EP400: variants seen among roughly 807,000 people sequenced by gnomAD.
EP400 encodes E1A-binding protein p400.
A neutral mutation model predicts 354.1 loss-of-function variants in EP400; 105 were observed. The observed-to-expected ratio is 0.30, with a 90% CI of 0.25 to 0.35. EP400 has a LOEUF of 0.35. Among genes scored for constraint, EP400 ranks in the 10% least tolerant of loss-of-function variants. The pLI is 1.00. For synonymous variants in EP400, 1,646 were observed against 1,716.9 expected (o/e 0.96, Z 1.02); for missense variants, 3,280 against 4,121.0 (o/e 0.80, Z 5.59).
At chr12:131,979,354 G>A (rs774890537) in intron 2 of EP400, among the ~76,000 whole-genome samples, 1 of 152,180 alleles carries the variant, frequency 6.6e-6, no homozygotes, top group Non-Finnish European at 1.5e-5. Context: ...TGACTGATGA[G>A]TCGGCTGAGA....
At chr12:131,964,265 G>A (rs576605826) in intron 2 of EP400, among the ~76,000 whole-genome samples, 8 of 152,200 alleles carry the variant, frequency 5.3e-5, no homozygotes, top group African/African-American at 1.9e-4. Flanking sequence ...TCAGGAATTC[G>A]AGACCAGCCT....
rs1436460686 is a variant in EP400, at chr12:131,994,718, T to G, written c.2738-149T>G. 1.7e-6 allele frequency: 1 copy of G among 583,398 alleles called. No homozygotes were observed. The allele number at this position is 583,398 out of a possible 1,614,324, so 36.1% of individuals were successfully genotyped here. A position where few individuals can be genotyped will look rare whatever the true frequency, so the allele number is the denominator to read the frequency against. ...ATACACTTCCAGTTTCCTGCCCATT[T>G]AATTAAATTTAACCTGAGAAGTTTA... is the stretch of plus-strand genomic sequence containing the variant. On this transcript the variant is annotated intron_variant, in intron 11 of 52. Coordinates refer to ENST00000389561, the MANE Select transcript of EP400 (RefSeq NM_015409.5). The surrounding 1 kb of genome is among the most constrained non-coding windows in gnomAD (Gnocchi z 4.6).
intron 39 of EP400, among the ~76,000 whole-genome samples, chr12:132,047,385 G>A (rs927341716): frequency 1.3e-5 from 2 of 152,164 alleles, no homozygotes; most frequent in African/African-American, 2.4e-5. Flanking sequence ...AGTCACGTAG[G>A]TTCTTTTCTA....
At chr12:132,061,498 T>C (rs1486319281) in intron 45 of EP400, among the ~76,000 whole-genome samples, 2 of 152,158 alleles carry the variant, frequency 1.3e-5, no homozygotes, top group Non-Finnish European at 2.9e-5. Flanking sequence ...ACTGCAGAGG[T>C]GGCATGATTG....
At chr12:132,002,285 G>A (rs1893442494) in intron 12 of EP400, among the ~76,000 whole-genome samples, 2 of 152,050 alleles carry the variant, frequency 1.3e-5, no homozygotes, top group South Asian at 4.1e-4. Context: ...AATTTATCTT[G>A]TATTTTCTCA....
At chr12:131,960,509 CTT>C in intron 1 of EP400, 74 bp from the exon 2 acceptor site, 2 of 1,351,878 alleles carry the variant, frequency 1.5e-6, no homozygotes, top group Non-Finnish European at 2.0e-6. Context: ...TTCAAAGTGT[CTT>C]TTCAGTGCTG....
chr12:131,978,531 A>G (rs1892560121), intron 2 of EP400, among the ~76,000 whole-genome samples: 1 of 151,816 alleles, frequency 6.6e-6, no homozygotes, highest in South Asian at 2.1e-4. Context: ...TGTTTTTTTT[A>G]AAGATGGGGT....
intron 15 of EP400, among the ~76,000 whole-genome samples, chr12:132,008,578 C>T (rs560650415): frequency 6.6e-6 from 1 of 151,630 alleles, no homozygotes; most frequent in East Asian, 1.9e-4. Context: ...TGGAAGTAGC[C>T]TATACATTTT....
At position 132,018,200 on chromosome 12, in the gene EP400, T is replaced by G; in HGVS notation, c.4111-10T>G. The G allele has an allele frequency of 1.2e-6, 2 of 1,604,986 alleles. No individual in the cohort carries two copies. The highest frequency in any genetic ancestry group is 1.7e-6 in the Non-Finnish European group (2 of 1,177,930). On this transcript the variant is annotated splice_polypyrimidine_tract_variant and intron_variant, in intron 20 of 52. Transcript: ENST00000389561. This position sits in a 1 kb window ranked among gnomAD's most constrained non-coding sequence, Gnocchi z 4.0. ...TCATGCAGCAAGACTTTTTTTCTTT[T>G]TCTCTCTAGGAAGCAGATCTTTCTA...
Position 132,050,963 on chromosome 12 carries a change from C to G in EP400, c.7394+308C>G. ...GCCAACCACAAGGGGCTTTCTTCCT[C>G]ACACCCCACCTCTCAGGCACTGATT... is the stretch of plus-strand genomic sequence containing the variant. On this transcript the variant is annotated intron_variant, in intron 41 of 52. Transcript: ENST00000389561. This position sits in a 1 kb window ranked among gnomAD's most constrained non-coding sequence, Gnocchi z 4.8. 1 of 498,156 alleles carries G rather than the reference C, an allele frequency of 2.0e-6. No homozygotes were observed. The highest frequency in any genetic ancestry group is 3.6e-6 in the Non-Finnish European group (1 of 274,780). 30.9% of individuals were successfully genotyped at this position (498,156 alleles called of 1,614,324 possible). A position where few individuals can be genotyped will look rare whatever the true frequency, so the allele number is the denominator to read the frequency against.
chr12:132,049,590 A>G (rs1435871940), intron 39 of EP400, among the ~76,000 whole-genome samples: 1 of 151,846 alleles, frequency 6.6e-6, no homozygotes, highest in Non-Finnish European at 1.5e-5. Context: ...GCCTTGGCAC[A>G]CTCTCTTTGA....
At chr12:132,020,338 C>G in intron 22 of EP400, 120 bp downstream of exon 22, 1 of 1,200,778 alleles carries the variant, frequency 8.3e-7, no homozygotes, top group Non-Finnish European at 1.1e-6. Flanking sequence ...ACAGGCACCA[C>G]CCGCTGGCTT....
At chr12:131,956,384 TTAATG>T (rs954358761) in intron 1 of EP400, among the ~76,000 whole-genome samples, 3 of 152,244 alleles carry the variant, frequency 2.0e-5, no homozygotes, top group African/African-American at 4.8e-5. Flanking sequence ...CTTTTTTCAC[TTAATG>T]TATCTGGAAA....
intron 2 of EP400, among the ~76,000 whole-genome samples, chr12:131,966,562 CAAAAAA>C (rs534384776): frequency 0.15 from 8,571 of 57,534 alleles, 571 homozygotes; most frequent in African/African-American, 0.27. Context: ...TACCCTACCT[CAAAAAA>C]AAAAAAAAAA....
At position 132,050,570 on chromosome 12, in the gene EP400, T is replaced by C; in HGVS notation, c.7338-29T>C. On this transcript the variant is annotated intron_variant, in intron 40 of 52. Coordinates refer to ENST00000389561, the MANE Select transcript of EP400 (RefSeq NM_015409.5). The surrounding 1 kb of genome is among the most constrained non-coding windows in gnomAD (Gnocchi z 4.8). ...TTCTTCAGATATTTCCTTTATTTAATAATTGCTGTCTCACTGTCTATACTT... is the reference window on the plus strand; with the variant it reads ...TTCTTCAGATATTTCCTTTATTTAACAATTGCTGTCTCACTGTCTATACTT... 1 of 1,614,038 alleles carries C rather than the reference T, an allele frequency of 6.2e-7. No individual in the cohort carries two copies. Among genetic ancestry groups the C allele is most frequent in the Non-Finnish European group, 8.5e-7 (1 of 1,179,856 alleles).
chr12:132,064,016 C>G (rs1270404973), intron 47 of EP400, among the ~76,000 whole-genome samples: 1 of 141,742 alleles, frequency 7.1e-6, no homozygotes, highest in Non-Finnish European at 1.5e-5. Context: ...CCGGTTCAAC[C>G]ACTGATGACC....
In EP400 at chr12:132,064,711, C is replaced by T. The variant is rs780063070; in HGVS notation, c.8378C>T (p.Pro2793Leu). 1.8e-5 allele frequency: 29 copies of T among 1,613,536 alleles called. No individual in the cohort carries two copies. The highest frequency in any genetic ancestry group is 1.0e-4 in the Admixed American group (6 of 59,980). The change falls in exon 48 of 53, where the codon CCG (proline) becomes CTG (leucine). Residue 2793 changes from proline (P) to leucine (L), a missense_variant. Coordinates refer to ENST00000389561, the MANE Select transcript of EP400 (RefSeq NM_015409.5). ...KMQKQKLQMP[P>L]QPPPPQAQSA... ...CAGAAGCAGAAACTGCAGATGCCCC[C>T]GCAGCCCCCACCGCCACAGGCCCAG...
At chr12:132,041,733 G>A (rs1046269577) in intron 32 of EP400, among the ~76,000 whole-genome samples, 14 of 152,158 alleles carry the variant, frequency 9.2e-5, no homozygotes, top group African/African-American at 2.9e-4. Context: ...GGGTTGTTCT[G>A]GGTGGTGGTG....
At chr12:131,992,371 A>G (rs1047029963) in intron 11 of EP400, 141 bp downstream of exon 11, 8 of 757,104 alleles carry the variant, frequency 1.1e-5, no homozygotes, top group African/African-American at 1.7e-5. Flanking sequence ...GATGTCTCTC[A>G]GTGTATAGAG....
Sources: gnomAD v4.1 joint callset for allele counts (sites outside exome capture counted in the v4.1 genomes callset) on GRCh38, gnomAD v4.1.1 for gene constraint, Gnocchi (gnomAD v3.1) non-coding constraint, MANE v1.5 for transcripts, NCBI Gene and HGNC (gene_info 2026-07-23, HGNC 2026-07-21) for gene names.